Variants in RAB26 observed in about 807,000 individuals in gnomAD.
RAB26 encodes the protein ras-related protein Rab-26.
RAB26 carries 39 observed loss-of-function variants against 33.1 expected under a neutral mutation model. That is an observed-to-expected ratio of 1.18 (90% CI 0.91 to 1.54). The LOEUF is 1.54. RAB26 is among the 40% of genes most tolerant of loss of function. The pLI, the probability that RAB26 is intolerant of heterozygous loss-of-function variation, is 0.00. For synonymous variants in RAB26, 192 were observed against 151.9 expected (o/e 1.26, Z -1.94); for missense variants, 468 against 362.9 (o/e 1.29, Z -2.35).
Position 2,148,767 on chromosome 16 carries a change from C to T in RAB26, c.-17C>T, listed in dbSNP as rs2092994537. ...GCACGGCGGCTGCAGCGGGAGCACA[C>T]TGAGCGCCCGCCCGCCATGTCCAGG... On this transcript the variant is annotated 5_prime_UTR_variant, in exon 1 of 9. Transcript: ENST00000210187. 7.7e-7 allele frequency: 1 copy of T among 1,304,500 alleles called. No individual in the cohort carries two copies. The highest frequency in any genetic ancestry group is 9.7e-7 in the Non-Finnish European group (1 of 1,031,508). The allele number at this position is 1,304,500 out of a possible 1,614,324, so 80.8% of individuals were successfully genotyped here.
rs1180968946 is a variant in RAB26 at position 2,151,684 on chromosome 16, T to C, written c.349-11T>C. ...AGGGCTGGACAGCCTGACCAGTGCC[T>C]GTCGCTGCAGATGTGGGACACAGCT... On this transcript the variant is annotated splice_polypyrimidine_tract_variant and intron_variant, in intron 3 of 8. Transcript: ENST00000210187. 1 of 1,613,886 alleles carries C rather than the reference T, an allele frequency of 6.2e-7. No homozygotes were observed. The highest frequency in any genetic ancestry group is 2.2e-5 in the East Asian group (1 of 44,902).
At chr16:2,152,694 A>G in intron 5 of RAB26, 126 bp from the exon 6 acceptor site, 1 of 51,364 alleles carries the variant, frequency 1.9e-5, no homozygotes, top group Admixed American at 1.1e-3. Flanking sequence ...CTCTTGTCTC[A>G]AAAAAAAAAA....
At position 2,153,178 on chromosome 16, in the gene RAB26, C is replaced by T; in HGVS notation, c.624C>T (p.Ala208=). 3.1e-6 allele frequency: 5 copies of T among 1,613,820 alleles called. No homozygotes were observed. Among genetic ancestry groups the T allele is most frequent in the Non-Finnish European group, 4.2e-6 (5 of 1,180,022 alleles). ...GACTGCCCTTCATGGAGACCAGCGC[C>T]AAGACGGGCCTCAACGTGGACTTGG... ...EYGLPFMETS[A]KTGLNVDLAF... is the part of the protein sequence containing the mutation. Residue 208 remains alanine (A), a synonymous_variant, in exon 8 of 9, where the codon GCC becomes GCT. Transcript: ENST00000210187.
chr16:2,151,394 G>A, intron 2 of RAB26, 175 bp from the exon 3 acceptor site: 1 of 766,734 alleles, frequency 1.3e-6, no homozygotes, highest in Non-Finnish European at 2.2e-6. Context: ...GAGGCTGCCG[G>A]GAGAGGCCTG....
At chr16:2,150,173 G>C in intron 2 of RAB26, 122 bp downstream of exon 2, 2 of 853,020 alleles carry the variant, frequency 2.3e-6, no homozygotes, top group Non-Finnish European at 3.5e-6. Context: ...TGCCTGCCTC[G>C]ACCTTCCAAC....
rs367885471 is a variant in RAB26, at chr16:2,153,397, A to C, written c.747A>C (p.Arg249=). The C allele has an allele frequency of 6.8e-6, 11 of 1,613,312 alleles. No individual in the cohort carries two copies. The highest frequency in any genetic ancestry group is 6.7e-5 in the African/African-American group (5 of 74,918). ...ATGATTACGTTAAGAGGGAGGGTCGAGGGGCCTCCTGCTGCCGCCCTTGAA... is the reference window on the plus strand; with the variant it reads ...ATGATTACGTTAAGAGGGAGGGTCGCGGGGCCTCCTGCTGCCGCCCTTGAA... ...RLHDYVKREG[R]GASCCRP The change falls in exon 9 of 9, where the codon CGA becomes CGC. Residue 249 remains arginine (R), a synonymous_variant. Transcript: ENST00000210187.
rs1596659100 is a variant in RAB26, at chr16:2,153,137, T to A, written c.592-9T>A. On this transcript the variant is annotated splice_polypyrimidine_tract_variant and intron_variant, in intron 7 of 8. Coordinates refer to ENST00000210187, the MANE Select transcript of RAB26 (RefSeq NM_014353.5). ...AGGCCACCACCTGGCTGGCAGCAGC[T>A]GTTTACAGGAGTATGGACTGCCCTT... 1 of 1,613,608 alleles carries A rather than the reference T, an allele frequency of 6.2e-7. No homozygotes were observed. The highest frequency in any genetic ancestry group is 8.5e-7 in the Non-Finnish European group (1 of 1,180,022).
rs2093014166 is a variant in RAB26, at chr16:2,153,475, A to G, written c.*54A>G. 2 of 1,539,958 alleles carry G rather than the reference A, an allele frequency of 1.3e-6. No individual in the cohort carries two copies. The highest frequency in any genetic ancestry group is 2.7e-5 in the African/African-American group (2 of 73,136). On this transcript the variant is annotated 3_prime_UTR_variant, in exon 9 of 9. Transcript: ENST00000210187. Reference sequence around the variant, plus strand: ...AGCCGTCCAGTCCCTAGAAGGCTGGACAGAGGGTCTCCAGGCCCTTCTGAC... The same window carrying G: ...AGCCGTCCAGTCCCTAGAAGGCTGGGCAGAGGGTCTCCAGGCCCTTCTGAC...
Position 2,148,769 on chromosome 16 carries a change from G to A in RAB26, c.-15G>A. The A allele has an allele frequency of 7.7e-7, 1 of 1,305,176 alleles. No individual in the cohort carries two copies. The highest frequency in any genetic ancestry group is 9.7e-7 in the Non-Finnish European group (1 of 1,031,968). 80.8% of individuals were successfully genotyped at this position (1,305,176 alleles called of 1,614,324 possible). On this transcript the variant is annotated 5_prime_UTR_variant, in exon 1 of 9. The change abolishes the stop of an existing upstream ORF in the 5' untranslated region. Coordinates refer to ENST00000210187, the MANE Select transcript of RAB26 (RefSeq NM_014353.5). ...ACGGCGGCTGCAGCGGGAGCACACT[G>A]AGCGCCCGCCCGCCATGTCCAGGAA...
rs560672272 is a variant in RAB26, at chr16:2,153,357, C to A, written c.707C>A (p.Pro236Gln). Residue 236 changes from proline (P) to glutamine (Q), a missense_variant, in exon 9 of 9, where the codon CCG (proline) becomes CAG (glutamine). Transcript: ENST00000210187. ...KQRSMKAPSEPRFRLHDYVKR... is the reference protein window; with the variant it reads ...KQRSMKAPSEQRFRLHDYVKR... ...CGCTCCATGAAGGCTCCCAGCGAGC[C>A]GCGCTTCCGGCTGCATGATTACGTT... 6 of 1,613,498 alleles carry A rather than the reference C, an allele frequency of 3.7e-6. No individual in the cohort carries two copies. The Admixed American group carries it at 5.0e-5, about 13-fold the overall frequency.
rs1012731549 is a variant in RAB26 at position 2,148,641 on chromosome 16, C to G, written c.-143C>G. 4 of 510,660 alleles carry G rather than the reference C, an allele frequency of 7.8e-6. No individual in the cohort carries two copies. Among genetic ancestry groups the G allele is most frequent in the Admixed American group, 7.4e-5 (1 of 13,594 alleles). The allele number at this position is 510,660 out of a possible 1,614,324, so 31.6% of individuals were successfully genotyped here. On this transcript the variant is annotated 5_prime_UTR_variant, in exon 1 of 9. Transcript: ENST00000210187. ...GGGGGCGGGGCGCGAGCCGGGCGCC[C>G]GGGATGATGCCGCCGCCGCCGCCGC...
At chr16:2,152,783 T>C (rs764692632) in intron 5 of RAB26, 37 bp from the exon 6 acceptor site, 15 of 1,587,238 alleles carry the variant, frequency 9.5e-6, no homozygotes, top group Non-Finnish European at 1.3e-5. Context: ...GGGCAAGCCA[T>C]GCAGGGAGCC....
At position 2,148,768 on chromosome 16, in the gene RAB26, T is replaced by C; in HGVS notation, c.-16T>C. 7.7e-7 allele frequency: 1 copy of C among 1,302,318 alleles called. No individual in the cohort carries two copies. Among genetic ancestry groups the C allele is most frequent in the Non-Finnish European group, 9.7e-7 (1 of 1,030,860 alleles). 80.7% of individuals were successfully genotyped at this position (1,302,318 alleles called of 1,614,324 possible). A position where few individuals can be genotyped will look rare whatever the true frequency, so the allele number is the denominator to read the frequency against. ...CACGGCGGCTGCAGCGGGAGCACACTGAGCGCCCGCCCGCCATGTCCAGGA... is the reference window on the plus strand; with the variant it reads ...CACGGCGGCTGCAGCGGGAGCACACCGAGCGCCCGCCCGCCATGTCCAGGA... On this transcript the variant is annotated 5_prime_UTR_variant, in exon 1 of 9. An upstream open reading frame in the 5' UTR loses its in-frame stop. Coordinates refer to ENST00000210187, the MANE Select transcript of RAB26 (RefSeq NM_014353.5).
Position 2,149,998 on chromosome 16 carries a change from G to A in RAB26, c.253G>A (p.Asp85Asn), listed in dbSNP as rs143823967. ...GACCTGTCTGCTGGTGCGATTCAAGGATGGTGCTTTCCTGGCGGGGACCTT... is the reference window on the plus strand; with the variant it reads ...GACCTGTCTGCTGGTGCGATTCAAGAATGGTGCTTTCCTGGCGGGGACCTT... ...GKTCLLVRFK[D>N]GAFLAGTFIS... The change falls in exon 2 of 9, where the codon GAT (aspartate) becomes AAT (asparagine). Residue 85 changes from aspartate (D) to asparagine (N), a missense_variant. Coordinates refer to ENST00000210187, the MANE Select transcript of RAB26 (RefSeq NM_014353.5). 7.6e-4 allele frequency: 1,177 copies of A among 1,545,370 alleles called. 4 individuals are homozygous for A. The highest frequency in any genetic ancestry group is 9.4e-4 in the Non-Finnish European group (1,078 of 1,144,030).
At chr16:2,148,515 C>G (rs1414393602), upstream of RAB26, 1 of 153,350 alleles carries the variant, frequency 6.5e-6, no homozygotes, top group African/African-American at 2.4e-5. Flanking sequence ...CCCCCCACCC[C>G]CCGCCGAGCG....
rs958251373 is a variant in RAB26, at chr16:2,152,014, G to C, written c.468+106G>C. Reference sequence around the variant, plus strand: ...GGTTCCAAAGGACCCCGCTGAGAGAGGGGAGGGGGAAATGACAGCCTTCTG... The same window carrying C: ...GGTTCCAAAGGACCCCGCTGAGAGACGGGAGGGGGAAATGACAGCCTTCTG... On this transcript the variant is annotated intron_variant, in intron 5 of 8. Transcript: ENST00000210187. 3.9e-5 allele frequency: 57 copies of C among 1,453,276 alleles called. No homozygotes were observed. In the Middle Eastern group the frequency reaches 1.1e-3, roughly 28 times the overall value. 90.0% of individuals were successfully genotyped at this position (1,453,276 alleles called of 1,614,324 possible).
chr16:2,148,798 G>A lies in RAB26; in HGVS notation c.15G>A (p.Lys5=). The A allele has an allele frequency of 7.3e-7, 1 of 1,371,208 alleles. No homozygotes were observed. Among genetic ancestry groups the A allele is most frequent in the African/African-American group, 1.5e-5 (1 of 65,910 alleles). The allele number at this position is 1,371,208 out of a possible 1,614,324, so 84.9% of individuals were successfully genotyped here. A position where few individuals can be genotyped will look rare whatever the true frequency, so the allele number is the denominator to read the frequency against. Residue 5 remains lysine (K), a synonymous_variant, in exon 1 of 9, where the codon AAG becomes AAA. Coordinates refer to ENST00000210187, the MANE Select transcript of RAB26 (RefSeq NM_014353.5). Reference sequence around the variant, plus strand: ...GCCCGCCCGCCATGTCCAGGAAGAAGACCCCCAAGAGCAAAGGGGCCAGCA... The same window carrying A: ...GCCCGCCCGCCATGTCCAGGAAGAAAACCCCCAAGAGCAAAGGGGCCAGCA... MSRK[K]TPKSKGASTP...
chr16:2,151,313 T>TC, intron 2 of RAB26: 1 of 610,430 alleles, frequency 1.6e-6, no homozygotes, highest in Non-Finnish European at 3.0e-6. Flanking sequence ...CGAGGCAGTG[T>TC]CAGTAAGAGG....
Position 2,153,980 on chromosome 16 carries a change from T to C in RAB26, c.*559T>C, listed in dbSNP as rs1173527442. The C allele has an allele frequency of 2.7e-6, 1 of 366,528 alleles. No individual in the cohort carries two copies. The highest frequency in any genetic ancestry group is 2.1e-5 in the African/African-American group (1 of 47,134). The allele number at this position is 366,528 out of a possible 1,614,324, so 22.7% of individuals were successfully genotyped here. On this transcript the variant is annotated 3_prime_UTR_variant, in exon 9 of 9. Coordinates refer to ENST00000210187, the MANE Select transcript of RAB26 (RefSeq NM_014353.5). ...ATGCCTGTGGCCTTGTGATAAAATGTGGGAAATCACAGAAAACACCAGAAA... is the reference window on the plus strand; with the variant it reads ...ATGCCTGTGGCCTTGTGATAAAATGCGGGAAATCACAGAAAACACCAGAAA...
Sources: gnomAD v4.1 joint callset for allele counts on GRCh38, gnomAD v4.1.1 for gene constraint, MANE v1.5 for transcripts, NCBI Gene and HGNC (gene_info 2026-07-23, HGNC 2026-07-21) for gene names.